CALN1: variants seen among roughly 807,000 people sequenced by gnomAD.
CALN1 encodes calcium-binding protein 8.
In CALN1, 17 loss-of-function variants were observed where a neutral mutation model predicts 30.6. The ratio of observed to expected loss-of-function variants is 0.56; its 90% CI spans 0.38 to 0.83. The LOEUF (loss-of-function observed/expected upper bound fraction) is 0.83. CALN1 is among the 40% of genes least tolerant of loss of function. The pLI, the probability that CALN1 is intolerant of heterozygous loss-of-function variation, is 0.00. For missense variants in CALN1, 291 were observed against 354.9 expected (o/e 0.82, Z 1.45); for synonymous variants, 156 against 131.4 (o/e 1.19, Z -1.28).
the CALN1 span, among the ~76,000 whole-genome samples, chr7:72,500,427 T>TCA: frequency 2.0e-5 from 3 of 151,406 alleles, no homozygotes; most frequent in Non-Finnish European, 4.4e-5. Context: ...ACTGTAGGCA[T>TCA]GCACCACCAC....
chr7:72,201,159 G>C (rs1312832125), intron 3 of CALN1, among the ~76,000 whole-genome samples: 1 of 152,198 alleles, frequency 6.6e-6, no homozygotes, highest in African/African-American at 2.4e-5. Context: ...ATTATCCTAA[G>C]TGAATTAACT....
At chr7:72,354,376 C>A (rs772441735) in intron 2 of CALN1, among the ~76,000 whole-genome samples, 1 of 152,160 alleles carries the variant, frequency 6.6e-6, no homozygotes, top group Non-Finnish European at 1.5e-5. Flanking sequence ...GATGTCAATT[C>A]TCTCCAAATT....
intron 3 of CALN1, among the ~76,000 whole-genome samples, chr7:72,236,656 T>C (rs1426130382): frequency 2.6e-5 from 4 of 152,184 alleles, no homozygotes; most frequent in Non-Finnish European, 2.9e-5. Context: ...CCCTACAATA[T>C]GTGATAATTA....
At chr7:72,125,354 A>G (rs1808673669) in intron 3 of CALN1, among the ~76,000 whole-genome samples, 1 of 152,176 alleles carries the variant, frequency 6.6e-6, no homozygotes. Context: ...CAGCCAATAA[A>G]TACTTGCTGA....
intron 3 of CALN1, among the ~76,000 whole-genome samples, chr7:72,130,060 C>G (rs1214117083): frequency 6.6e-6 from 1 of 152,144 alleles, no homozygotes; most frequent in Non-Finnish European, 1.5e-5. Flanking sequence ...GGCACCAACA[C>G]TCCCCCACCC....
chr7:72,188,573 G>T (rs1345944569), intron 3 of CALN1, among the ~76,000 whole-genome samples: 1 of 151,788 alleles, frequency 6.6e-6, no homozygotes, highest in Non-Finnish European at 1.5e-5. Flanking sequence ...GGGGGGTGAG[G>T]AATAAAAAAT....
At chr7:72,205,739 A>T (rs976071869) in intron 3 of CALN1, among the ~76,000 whole-genome samples, 1 of 151,286 alleles carries the variant, frequency 6.6e-6, no homozygotes, top group Non-Finnish European at 1.5e-5. Context: ...GTTAAACTTG[A>T]AAAAGCATTC....
chr7:72,044,887 T>A (rs982529745), intron 4 of CALN1, among the ~76,000 whole-genome samples: 1 of 152,132 alleles, frequency 6.6e-6, no homozygotes, highest in Non-Finnish European at 1.5e-5. Flanking sequence ...CCCAAAGCAA[T>A]GGGATTAGAG....
At position 72,059,669 on chromosome 7, in the gene CALN1, C is replaced by A. The variant is rs140366532; in HGVS notation, c.389-35900G>T. Among the ~76,000 whole-genome samples, 40 of 152,194 alleles carry A rather than the reference C, an allele frequency of 2.6e-4. No individual in the cohort carries two copies. The East Asian group carries it at 3.9e-3, about 15-fold the overall frequency. ...CAGCAAAAGACTCATGACAGCTGAT[C>A]TCCCTATATTTTGGTGAATCCTTAC... On this transcript the variant is annotated intron_variant, in intron 4 of 6. Transcript: ENST00000395275.
chr7:72,087,306 G>A (rs1409045025), intron 4 of CALN1, among the ~76,000 whole-genome samples: 2 of 152,146 alleles, frequency 1.3e-5, no homozygotes, highest in Non-Finnish European at 2.9e-5. Flanking sequence ...GGCCAAGGCG[G>A]GTGGATCACG....
In CALN1 at chr7:72,314,981, CA is replaced by C. The variant is rs530371351; in HGVS notation, c.120-36172del. ...CAGCACACAGTGAGACCCATCTCTA[CA>C]AAAAAAAAAAAAAAATTAATTAGCT... On this transcript the variant is annotated intron_variant, in intron 2 of 6. Transcript: ENST00000395275. 7.5e-3 allele frequency among the ~76,000 whole-genome samples: 791 copies of C among 105,348 alleles called. 5 individuals are homozygous for C. The highest frequency in any genetic ancestry group is 0.015 in the African/African-American group (468 of 30,864). The allele number at this position is 105,348 out of a possible 152,430, so 69.1% of individuals were successfully genotyped here. A position where few individuals can be genotyped will look rare whatever the true frequency, so the allele number is the denominator to read the frequency against.
At chr7:72,002,365 T>A (rs948684501) in intron 5 of CALN1, among the ~76,000 whole-genome samples, 1 of 152,192 alleles carries the variant, frequency 6.6e-6, no homozygotes, top group South Asian at 2.1e-4. Context: ...TATTTTATAA[T>A]AAAATGTTGA....
intron 3 of CALN1, among the ~76,000 whole-genome samples, chr7:72,156,589 G>T (rs534651183): frequency 6.6e-6 from 1 of 152,196 alleles, no homozygotes; most frequent in African/African-American, 2.4e-5. Context: ...GGCCCCATGA[G>T]TCCCCATGTC....
At chr7:71,930,545 T>C (rs1003045189) in intron 5 of CALN1, among the ~76,000 whole-genome samples, 1 of 152,244 alleles carries the variant, frequency 6.6e-6, no homozygotes, top group Non-Finnish European at 1.5e-5. Flanking sequence ...TAGTGTCTTT[T>C]TAAATTTTTA....
intron 5 of CALN1, among the ~76,000 whole-genome samples, chr7:71,864,007 C>G (rs542351869): frequency 6.6e-6 from 1 of 152,212 alleles, no homozygotes; most frequent in African/African-American, 2.4e-5. Context: ...TCCTATTCCC[C>G]TATTCTCTGC....
At chr7:72,372,153 A>C (rs1419506911) in intron 2 of CALN1, among the ~76,000 whole-genome samples, 1 of 152,092 alleles carries the variant, frequency 6.6e-6, no homozygotes, top group Admixed American at 6.6e-5. Context: ...ATCCCCTATG[A>C]TTATTTCTTT....
chr7:72,183,689 A>G (rs1789980464), intron 3 of CALN1, among the ~76,000 whole-genome samples: 1 of 152,218 alleles, frequency 6.6e-6, no homozygotes, highest in Non-Finnish European at 1.5e-5. Context: ...TGCAAAAGAC[A>G]TCTTGGAGAA....
chr7:72,166,585 T>A (rs578159291), intron 3 of CALN1, among the ~76,000 whole-genome samples: 1 of 152,314 alleles, frequency 6.6e-6, no homozygotes, highest in African/African-American at 2.4e-5. Context: ...TCCTAATTGA[T>A]AAAACTAACA....
At chr7:71,930,750 G>C (rs1795508349) in intron 5 of CALN1, among the ~76,000 whole-genome samples, 1 of 152,184 alleles carries the variant, frequency 6.6e-6, no homozygotes, top group Non-Finnish European at 1.5e-5. Flanking sequence ...TCTCGCGTGT[G>C]TGTATTCTGG....
Sources: gnomAD v4.1 joint callset for allele counts (sites outside exome capture counted in the v4.1 genomes callset) on GRCh38, gnomAD v4.1.1 for gene constraint, MANE v1.5 for transcripts, NCBI Gene and HGNC (gene_info 2026-07-23, HGNC 2026-07-21) for gene names.